The following GRM1 variants were observed in gnomAD, a reference collection of about 807,000 sequenced individuals.
GRM1 encodes the protein glutamate metabotropic receptor 1.
Under a neutral mutation model 90.9 loss-of-function variants are expected in GRM1, and 33 were observed. The ratio of observed to expected loss-of-function variants is 0.36; its 90% CI spans 0.28 to 0.49. The LOEUF (loss-of-function observed/expected upper bound fraction) is 0.49, where lower values mean the gene tolerates loss of function less well. GRM1 is among the 20% of genes least tolerant of loss of function. The pLI is 0.99. For missense variants in GRM1, 1,190 were observed against 1,534.3 expected (o/e 0.78, Z 3.75); for synonymous variants, 700 against 613.2 (o/e 1.14, Z -2.09).
At chr6:146,410,752 A>G (rs978145372) in intron 7 of GRM1, among the ~76,000 whole-genome samples, 1 of 152,130 alleles carries the variant, frequency 6.6e-6, no homozygotes, top group African/African-American at 2.4e-5. Context: ...CACGATGTAA[A>G]GAGATTTGGA....
chr6:146,343,716 G>A (rs933389611), intron 3 of GRM1, among the ~76,000 whole-genome samples: 3 of 149,866 alleles, frequency 2.0e-5, no homozygotes, highest in Admixed American at 2.0e-4. Flanking sequence ...GCCCAGGCTG[G>A]AATGCAGTGG....
chr6:146,427,358 G>A (rs1052967027), intron 7 of GRM1, among the ~76,000 whole-genome samples: 6 of 152,072 alleles, frequency 3.9e-5, no homozygotes, highest in South Asian at 2.1e-4. Flanking sequence ...TGTTCAGTTC[G>A]TTGTGCACGG....
chr6:146,334,042 C>T (rs1210126376), intron 3 of GRM1, among the ~76,000 whole-genome samples: 1 of 152,216 alleles, frequency 6.6e-6, no homozygotes, highest in African/African-American at 2.4e-5. Flanking sequence ...CTGCATGACT[C>T]TTCCAGCACT....
intron 2 of GRM1, among the ~76,000 whole-genome samples, chr6:146,291,953 G>A (rs915574898): frequency 1.3e-5 from 2 of 151,944 alleles, no homozygotes; most frequent in African/African-American, 2.4e-5. Context: ...TGTGGTACCA[G>A]CATAAGGACA....
At chr6:146,248,366 A>T (rs1368215057) in intron 2 of GRM1, among the ~76,000 whole-genome samples, 1 of 152,190 alleles carries the variant, frequency 6.6e-6, no homozygotes, top group African/African-American at 2.4e-5. Flanking sequence ...ATGTCCATTT[A>T]TCGAGGGAGG....
intron 2 of GRM1, among the ~76,000 whole-genome samples, chr6:146,174,757 T>C (rs1190146221): frequency 6.6e-6 from 1 of 152,244 alleles, no homozygotes; most frequent in Non-Finnish European, 1.5e-5. Flanking sequence ...TGGCTGAGGC[T>C]GACTTTCTGT....
Position 146,436,142 on chromosome 6 carries a change from T to C in GRM1, c.*1346T>C, listed in dbSNP as rs1470958027. 1 of 152,464 alleles carries C rather than the reference T, an allele frequency of 6.6e-6. No individual in the cohort carries two copies. The highest frequency in any genetic ancestry group is 1.5e-5 in the Non-Finnish European group (1 of 67,970). 9.4% of individuals were successfully genotyped at this position (152,464 alleles called of 1,614,324 possible). On this transcript the variant is annotated 3_prime_UTR_variant, in exon 8 of 8. Transcript: ENST00000282753. ...TTGTCTTTTGAATATACTATATATA[T>C]TTTTTATGTTCCAATAATGTTTTGT... is the stretch of plus-strand genomic sequence containing the variant.
At chr6:146,219,842 C>T (rs1340418721) in intron 2 of GRM1, among the ~76,000 whole-genome samples, 4 of 152,076 alleles carry the variant, frequency 2.6e-5, no homozygotes, top group Non-Finnish European at 5.9e-5. Context: ...TTCCATCTCT[C>T]TGGCAAAAAC....
intron 2 of GRM1, among the ~76,000 whole-genome samples, chr6:146,292,503 A>G (rs1000031009): frequency 6.6e-6 from 1 of 152,024 alleles, no homozygotes; most frequent in Non-Finnish European, 1.5e-5. Flanking sequence ...ACAAGTGACC[A>G]ACAAGCACAG....
chr6:146,430,187 C>T (rs972331760), intron 7 of GRM1, among the ~76,000 whole-genome samples: 2 of 152,146 alleles, frequency 1.3e-5, no homozygotes, highest in African/African-American at 2.4e-5. Context: ...TCTAAAGTGC[C>T]GTAAATATTG....
At chr6:146,195,101 A>T (rs1364322270) in intron 2 of GRM1, among the ~76,000 whole-genome samples, 1 of 152,222 alleles carries the variant, frequency 6.6e-6, no homozygotes. Context: ...CATGTTGTAC[A>T]TATTAATAGT....
At chr6:146,265,902 T>C (rs573718138) in intron 2 of GRM1, among the ~76,000 whole-genome samples, 5 of 152,266 alleles carry the variant, frequency 3.3e-5, no homozygotes, top group African/African-American at 1.2e-4. Flanking sequence ...AAAAAATACA[T>C]ATTAGAGGCT....
chr6:146,408,921 A>G (rs2114617625), intron 7 of GRM1, among the ~76,000 whole-genome samples: 1 of 152,280 alleles, frequency 6.6e-6, no homozygotes, highest in African/African-American at 2.4e-5. Context: ...GAGCAAAAGT[A>G]TTGAGAGTTT....
intron 1 of GRM1, among the ~76,000 whole-genome samples, chr6:146,054,535 T>A (rs1210648737): frequency 1.3e-5 from 2 of 152,084 alleles, no homozygotes; most frequent in Non-Finnish European, 2.9e-5. Context: ...CAGTAAAATA[T>A]TCTATCCATA....
At chr6:146,423,559 G>T (rs1247149894) in intron 7 of GRM1, among the ~76,000 whole-genome samples, 1 of 151,806 alleles carries the variant, frequency 6.6e-6, no homozygotes, top group Non-Finnish European at 1.5e-5. Flanking sequence ...TCAATATGCC[G>T]GAAGGCCTCA....
intron 7 of GRM1, among the ~76,000 whole-genome samples, chr6:146,407,012 G>A (rs970310491): frequency 6.6e-6 from 1 of 152,194 alleles, no homozygotes; most frequent in East Asian, 1.9e-4. Flanking sequence ...ATAGTGCCTA[G>A]GTGGCCAGCG....
At chr6:146,216,123 C>G (rs1779863821) in intron 2 of GRM1, among the ~76,000 whole-genome samples, 1 of 152,076 alleles carries the variant, frequency 6.6e-6, no homozygotes, top group Admixed American at 6.6e-5. Flanking sequence ...AAATCTGACT[C>G]TATGTATGTA....
rs373172282 is a variant in GRM1, at chr6:146,342,467, G to A, written c.1187-9783G>A. On this transcript the variant is annotated intron_variant, in intron 3 of 7. Coordinates refer to ENST00000282753, the MANE Select transcript of GRM1 (RefSeq NM_001278064.2). ...AATGTTACTCTGGGACAGTAACTAA[G>A]CAAGAGACAGAAGTATCTTGTACTT... 2.0e-5 allele frequency among the ~76,000 whole-genome samples: 3 copies of A among 152,316 alleles called. No individual in the cohort carries two copies. The East Asian group carries it at 5.8e-4, about 29-fold the overall frequency.
chr6:146,137,379 A>G (rs1776664928), intron 1 of GRM1, among the ~76,000 whole-genome samples: 1 of 152,294 alleles, frequency 6.6e-6, no homozygotes, highest in South Asian at 2.1e-4. Context: ...TCTTCTGCAT[A>G]TGGATACCCA....
Sources: allele counts gnomAD v4.1 joint callset (sites outside exome capture counted in the v4.1 genomes callset), GRCh38; gene constraint gnomAD v4.1.1; transcripts MANE v1.5; gene names NCBI Gene and HGNC (gene_info 2026-07-23, HGNC 2026-07-21).